HPRT1: variants seen among roughly 807,000 people sequenced by gnomAD.
The protein encoded by HPRT1 is hypoxanthine-guanine phosphoribosyltransferase.
Under a neutral mutation model 19.0 loss-of-function variants are expected in HPRT1, and 4 were observed. The ratio of observed to expected loss-of-function variants is 0.21; its 90% CI spans 0.10 to 0.48. The LOEUF (loss-of-function observed/expected upper bound fraction) is 0.48. Ranked by LOEUF, HPRT1 falls within the 20% of genes least tolerant of loss-of-function variation. HPRT1 has a pLI of 0.98. For missense variants in HPRT1, 65 were observed against 164.0 expected (o/e 0.40, Z 3.30); for synonymous variants, 53 against 54.9 (o/e 0.97, Z 0.15).
At position 134,493,499 on chromosome X, in the gene HPRT1, T is replaced by C; in HGVS notation, c.403-9T>C. The C allele has an allele frequency of 8.5e-7, 1 of 1,182,159 alleles. No homozygotes were observed. The highest frequency in any genetic ancestry group is 1.2e-6 in the Non-Finnish European group (1 of 868,589). ...ATTTAAAGCTATGCAATGTCTTCTT[T>C]TTTGAAAGGATATAATTGACACTGG... On this transcript the variant is annotated splice_polypyrimidine_tract_variant and intron_variant, in intron 5 of 8. Transcript: ENST00000298556.
chrX:134,476,877 T>C (rs17878772), intron 3 of HPRT1, among the ~76,000 whole-genome samples: 60 of 110,734 alleles, frequency 5.4e-4, no homozygotes, highest in African/African-American at 1.9e-3. Flanking sequence ...ATTATTAAGC[T>C]GAACTCCTCA....
In HPRT1 at chrX:134,493,536, A is replaced by G. The variant is rs1287604782; in HGVS notation, c.431A>G (p.Gln144Arg). The G allele has an allele frequency of 1.7e-6, 2 of 1,206,161 alleles. No homozygotes were observed. The highest frequency in any genetic ancestry group is 4.4e-5 in the Admixed American group (2 of 45,688). ...ATAATTGACACTGGCAAAACAATGC[A>G]GACTTTGCTTTCCTTGGTCAGGCAG... Reference protein sequence around the residue: ...EDIIDTGKTMQTLLSLVRQYN... With the variant: ...EDIIDTGKTMRTLLSLVRQYN... Residue 144 changes from glutamine (Q) to arginine (R), a missense_variant, in exon 6 of 9, where the codon CAG becomes CGG. Around this residue, in one of 4 missense-constraint regions of HPRT1, gnomAD observed 16 missense variants for 65.7 expected, o/e 0.24. Coordinates refer to ENST00000298556, the MANE Select transcript of HPRT1 (RefSeq NM_000194.3).
At chrX:134,485,525 A>AT (rs1371794732) in intron 3 of HPRT1, among the ~76,000 whole-genome samples, 2 of 111,401 alleles carry the variant, frequency 1.8e-5, no homozygotes, top group Non-Finnish European at 1.9e-5. Flanking sequence ...CCATACTTTT[A>AT]TTTTTTCCCA....
At chrX:134,498,907 A>T (rs764594057) in intron 8 of HPRT1, among the ~76,000 whole-genome samples, 5 of 111,899 alleles carry the variant, frequency 4.5e-5, no homozygotes, top group Non-Finnish European at 9.4e-5. Flanking sequence ...TTTAATATAC[A>T]ATAATTGTTG....
At chrX:134,487,504 A>G (rs758313786) in intron 4 of HPRT1, among the ~76,000 whole-genome samples, 66 of 111,284 alleles carry the variant, frequency 5.9e-4, no homozygotes, top group Middle Eastern at 9.2e-3. Context: ...CGATATCCCC[A>G]TTTTACAAAT....
At chrX:134,463,340 G>A (rs17878589) in intron 1 of HPRT1, among the ~76,000 whole-genome samples, 1,816 of 111,547 alleles carry the variant, frequency 0.016, 49 homozygotes, top group African/African-American at 0.056. Context: ...TCTAAATTTC[G>A]GGGATGGTAG....
intron 4 of HPRT1, among the ~76,000 whole-genome samples, chrX:134,487,229 G>A: frequency 9.0e-6 from 1 of 111,725 alleles, no homozygotes; most frequent in Middle Eastern, 4.6e-3. Flanking sequence ...TTAATATCAA[G>A]ATGTTTTTAG....
At chrX:134,478,109 A>G (rs935528503) in intron 3 of HPRT1, among the ~76,000 whole-genome samples, 6 of 112,288 alleles carry the variant, frequency 5.3e-5, no homozygotes, top group Non-Finnish European at 7.5e-5. Context: ...TGCAGCATCA[A>G]TAACATTGAT....
intron 1 of HPRT1, among the ~76,000 whole-genome samples, chrX:134,467,698 A>G (rs2077600467): frequency 9.0e-6 from 1 of 111,416 alleles, no homozygotes; most frequent in Admixed American, 9.6e-5. Flanking sequence ...TATTTATTGA[A>G]TTATACCTAT....
chrX:134,498,268 A>G (rs1175243023), intron 6 of HPRT1, 122 bp from the exon 7 acceptor site: 1 of 605,696 alleles, frequency 1.7e-6, no homozygotes, highest in African/African-American at 2.2e-5. Context: ...TGGGTGTGTT[A>G]AAAGTGACCA....
chrX:134,468,424 C>G (rs1216420646), intron 1 of HPRT1, among the ~76,000 whole-genome samples: 2 of 107,050 alleles, frequency 1.9e-5, no homozygotes, highest in East Asian at 6.0e-4. Context: ...ACCATCCTGG[C>G]TAACATGGTG....
chrX:134,460,389 T>C, intron 1 of HPRT1, 51 bp downstream of exon 1: 1 of 997,573 alleles, frequency 1.0e-6, no homozygotes, highest in Non-Finnish European at 1.3e-6. Flanking sequence ...ACGCGGCAGG[T>C]GGCGGCCGGG....
chrX:134,487,576 T>C (rs1344629335), intron 4 of HPRT1, among the ~76,000 whole-genome samples: 1 of 112,221 alleles, frequency 8.9e-6, no homozygotes. Flanking sequence ...CAGTAAGTGG[T>C]AGAGCTTGAA....
At chrX:134,468,081 G>A (rs1383874772) in intron 1 of HPRT1, among the ~76,000 whole-genome samples, 1 of 108,773 alleles carries the variant, frequency 9.2e-6, no homozygotes, top group Admixed American at 9.9e-5. Context: ...CAAAGTGCTG[G>A]GATTACAGGC....
At chrX:134,461,143 A>G (rs78412786) in intron 1 of HPRT1, among the ~76,000 whole-genome samples, 3 of 110,717 alleles carry the variant, frequency 2.7e-5, no homozygotes. Flanking sequence ...TCCCTCCTCA[A>G]CCGTTCTGAT....
chrX:134,498,302 T>C, intron 6 of HPRT1, 88 bp from the exon 7 acceptor site: 4 of 742,595 alleles, frequency 5.4e-6, no homozygotes, highest in Non-Finnish European at 8.6e-6. Flanking sequence ...ACGGATGAAA[T>C]GAAACAGTGT....
At chrX:134,467,453 T>C (rs1220746125) in intron 1 of HPRT1, among the ~76,000 whole-genome samples, 1 of 112,430 alleles carries the variant, frequency 8.9e-6, no homozygotes. Flanking sequence ...TGCATTTTTG[T>C]ATAATTGAAT....
At chrX:134,477,904 G>A (rs919099937) in intron 3 of HPRT1, among the ~76,000 whole-genome samples, 1 of 111,297 alleles carries the variant, frequency 9.0e-6, no homozygotes, top group East Asian at 2.8e-4. Flanking sequence ...CCGAACTCCT[G>A]GGCTCAAGCA....
At chrX:134,498,489 GT>G (rs1416295222) in intron 7 of HPRT1, 53 bp downstream of exon 7, 1 of 1,076,937 alleles carries the variant, frequency 9.3e-7, no homozygotes, top group Non-Finnish European at 1.3e-6. Flanking sequence ...ACCTAAAAGA[GT>G]TTTATGTGAA....
Sources: gnomAD v4.1 joint callset for allele counts (sites outside exome capture counted in the v4.1 genomes callset) on GRCh38, gnomAD v4.1.1 for gene constraint, gnomAD v4.1.1 regional missense constraint, MANE v1.5 for transcripts, NCBI Gene and HGNC (gene_info 2026-07-23, HGNC 2026-07-21) for gene names.